FRMD3: variants seen among roughly 807,000 people sequenced by gnomAD.
FRMD3 encodes FERM domain containing 3.
In FRMD3, 33 loss-of-function variants were observed where a neutral mutation model predicts 70.2. The observed-to-expected ratio is 0.47, with a 90% CI of 0.36 to 0.63. FRMD3 has a LOEUF of 0.63. Among genes scored for constraint, FRMD3 ranks in the 20% least tolerant of loss-of-function variants. The probability of loss-of-function intolerance (pLI) is 0.00; values close to 1 mark genes in which losing one functional copy is unlikely to be tolerated. For missense variants in FRMD3, 632 were observed against 711.4 expected, an observed-to-expected ratio of 0.89 and a Z score of 1.27; for synonymous variants, 279 against 255.9, an observed-to-expected ratio of 1.09 and a Z score of -0.86.
chr9:83,560,094 T>C, the FRMD3 span, among the ~76,000 whole-genome samples: 1 of 152,218 alleles, frequency 6.6e-6, no homozygotes, highest in East Asian at 1.9e-4. Flanking sequence ...ATTATCCTCT[T>C]CATTCATAAA....
chr9:83,410,527 T>A (rs772180114), intron 1 of FRMD3, among the ~76,000 whole-genome samples: 1 of 152,228 alleles, frequency 6.6e-6, no homozygotes, highest in Non-Finnish European at 1.5e-5. Context: ...GGTACCACAT[T>A]TTCTTTATCC....
intron 1 of FRMD3, among the ~76,000 whole-genome samples, chr9:83,514,229 C>T (rs1313700418): frequency 3.3e-5 from 5 of 152,180 alleles, no homozygotes; most frequent in Non-Finnish European, 7.3e-5. Flanking sequence ...ATTCTCACTG[C>T]CAGCACAGCA....
chr9:83,559,917 T>G, the FRMD3 span, among the ~76,000 whole-genome samples: 11,919 of 152,104 alleles, frequency 0.078, 546 homozygotes, highest in Middle Eastern at 0.19. Flanking sequence ...ATTTTATCTA[T>G]CTTATTATAA....
At chr9:83,365,978 C>A (rs999473579) in intron 3 of FRMD3, among the ~76,000 whole-genome samples, 3 of 152,092 alleles carry the variant, frequency 2.0e-5, no homozygotes, top group Non-Finnish European at 4.4e-5. Context: ...CACACACCAA[C>A]CCCACTCAAA....
chr9:83,471,635 G>A (rs1304616166), intron 1 of FRMD3, among the ~76,000 whole-genome samples: 1 of 152,186 alleles, frequency 6.6e-6, no homozygotes, highest in Non-Finnish European at 1.5e-5. Flanking sequence ...CTGGAAAAGG[G>A]CTAAAAACCA....
chr9:83,472,958 T>C (rs1402635308), intron 1 of FRMD3, among the ~76,000 whole-genome samples: 1 of 152,142 alleles, frequency 6.6e-6, no homozygotes, highest in East Asian at 1.9e-4. Flanking sequence ...TTCATTTCCC[T>C]TCTACAGCCA....
At chr9:83,488,036 C>G (rs1009438363) in intron 1 of FRMD3, among the ~76,000 whole-genome samples, 1 of 152,032 alleles carries the variant, frequency 6.6e-6, no homozygotes, top group Non-Finnish European at 1.5e-5. Flanking sequence ...TAGAAATAGA[C>G]CCCCCAAGCT....
At chr9:83,270,021 G>C (rs1028792852) in intron 13 of FRMD3, among the ~76,000 whole-genome samples, 1 of 152,186 alleles carries the variant, frequency 6.6e-6, no homozygotes, top group Non-Finnish European at 1.5e-5. Flanking sequence ...AGAGGAACAA[G>C]AAAAGAGAGG....
intron 13 of FRMD3, among the ~76,000 whole-genome samples, chr9:83,249,106 TG>T (rs1832277194): frequency 6.6e-6 from 1 of 152,230 alleles, no homozygotes; most frequent in Admixed American, 6.5e-5. Context: ...TTATAAAAGC[TG>T]CCAAATTTTT....
intron 1 of FRMD3, among the ~76,000 whole-genome samples, chr9:83,402,358 A>G (rs1249433619): frequency 6.6e-6 from 1 of 150,960 alleles, no homozygotes; most frequent in African/African-American, 2.4e-5. Flanking sequence ...TTAAGCATAG[A>G]ACCTCTGCAC....
rs114979911 is a variant in FRMD3 at position 83,443,009 on chromosome 9, G to A, written c.148-53301C>T. On this transcript the variant is annotated intron_variant, in intron 1 of 13. Transcript: ENST00000304195. ...TGAATGTCAACATAAAAATACATAT[G>A]GCCTTAGATGTGTATGTATAGATAT... 6.4e-3 allele frequency among the ~76,000 whole-genome samples: 972 copies of A among 152,212 alleles called. 7 individuals carry two copies. Among genetic ancestry groups the A allele is most frequent in the African/African-American group, 0.021 (868 of 41,530 alleles).
rs115276390 is a variant in FRMD3, at chr9:83,437,889, G to A, written c.148-48181C>T. Among the ~76,000 whole-genome samples the A allele has an allele frequency of 6.9e-3, 1,050 of 152,312 alleles. 13 individuals carry two copies. The highest frequency in any genetic ancestry group is 0.023 in the African/African-American group (963 of 41,550). ...GCGTCACTGGCAGTGACAGTGCAAAGCTAAGTGAGCGAAGCAGGGGGATCC... is the reference window on the plus strand; with the variant it reads ...GCGTCACTGGCAGTGACAGTGCAAAACTAAGTGAGCGAAGCAGGGGGATCC... On this transcript the variant is annotated intron_variant, in intron 1 of 13. Coordinates refer to ENST00000304195, the MANE Select transcript of FRMD3 (RefSeq NM_174938.6).
chr9:83,255,179 A>T (rs1487219256), intron 13 of FRMD3, among the ~76,000 whole-genome samples: 5 of 152,206 alleles, frequency 3.3e-5, no homozygotes, highest in African/African-American at 1.2e-4. Flanking sequence ...AGGCTTATCC[A>T]CCACAGTCAA....
chr9:83,532,748 G>A (rs1385728613), intron 1 of FRMD3, among the ~76,000 whole-genome samples: 1 of 152,082 alleles, frequency 6.6e-6, no homozygotes, highest in Non-Finnish European at 1.5e-5. Flanking sequence ...CTAGGGCATG[G>A]GCATATGATC....
At chr9:83,407,487 G>A (rs1338628822) in intron 1 of FRMD3, among the ~76,000 whole-genome samples, 2 of 152,202 alleles carry the variant, frequency 1.3e-5, no homozygotes, top group Non-Finnish European at 2.9e-5. Context: ...CTTTAAAAAG[G>A]CATTCGGCTC....
intron 1 of FRMD3, among the ~76,000 whole-genome samples, chr9:83,397,420 C>T (rs1333582324): frequency 6.6e-6 from 1 of 152,190 alleles, no homozygotes; most frequent in Non-Finnish European, 1.5e-5. Flanking sequence ...TCAGCGGACA[C>T]AGCTTTGGGC....
intron 1 of FRMD3, among the ~76,000 whole-genome samples, chr9:83,503,224 A>G (rs938880312): frequency 2.0e-5 from 3 of 152,236 alleles, no homozygotes; most frequent in Non-Finnish European, 4.4e-5. Context: ...GCCATCAGAT[A>G]GGGAAATTAT....
At chr9:83,363,553 C>CTTTTTTTTTTT (rs34789292) in intron 3 of FRMD3, among the ~76,000 whole-genome samples, 1 of 113,338 alleles carries the variant, frequency 8.8e-6, no homozygotes, top group African/African-American at 3.2e-5. Context: ...GAGACATAGG[C>CTTTTTTTTTTT]TTTTTTTTTT....
Position 83,448,477 on chromosome 9 carries a change from G to A in FRMD3, c.148-58769C>T, listed in dbSNP as rs569469327. On this transcript the variant is annotated intron_variant, in intron 1 of 13. Transcript: ENST00000304195. ...CAGCGGTAAGGCCTCAGGTGGCACC[G>A]GGCAAGTGGTAGCCTTGGCAAGGTA... 3.4e-4 allele frequency among the ~76,000 whole-genome samples: 52 copies of A among 152,252 alleles called. 1 individual carries two copies. Among genetic ancestry groups the A allele is most frequent in the Middle Eastern group, 6.8e-3 (2 of 294 alleles).
Sources: allele counts gnomAD v4.1 joint callset (sites outside exome capture counted in the v4.1 genomes callset), GRCh38; gene constraint gnomAD v4.1.1; transcripts MANE v1.5; gene names NCBI Gene and HGNC (gene_info 2026-07-23, HGNC 2026-07-21).